Variants in ENAH observed in about 807,000 individuals in gnomAD.
The protein encoded by ENAH is ENAH actin regulator.
Under a neutral mutation model 78.7 loss-of-function variants are expected in ENAH, and 23 were observed. The ratio of observed to expected loss-of-function variants is 0.29; its 90% CI spans 0.21 to 0.41. The LOEUF is 0.41. Among genes scored for constraint, ENAH ranks in the 10% least tolerant of loss-of-function variants. ENAH has a pLI of 1.00. For missense variants in ENAH, 544 were observed against 691.0 expected, an observed-to-expected ratio of 0.79 and a Z score of 2.39; for synonymous variants, 226 against 241.0, an observed-to-expected ratio of 0.94 and a Z score of 0.58.
At position 225,514,823 on chromosome 1, in the gene ENAH, G is replaced by T; in HGVS notation, c.991C>A (p.Pro331Thr). The change falls in exon 7 of 14, where the codon CCT becomes ACT. Residue 331 changes from proline to threonine, a missense_variant. By Grantham distance (38) the Pro-to-Thr change is conservative (BLOSUM62 -1). This residue lies in a region of ENAH where 366 missense variants were observed against 396.1 expected (regional missense o/e 0.92). Transcript: ENST00000366843. ...GGTGGAGGGGGCCCTGGGGGAGGAG[G>T]GAGGGCTACTGAAGCCTGTGCAGGC... ...PGPAQASVAL[P>T]PPPGPPPPPP... The T allele has an allele frequency of 1.9e-6, 3 of 1,576,576 alleles. No individual in the cohort carries two copies. The highest frequency in any genetic ancestry group is 2.6e-6 in the Non-Finnish European group (3 of 1,166,386).
chr1:225,595,158 C>T (rs183488442), intron 1 of ENAH, among the ~76,000 whole-genome samples: 1 of 152,176 alleles, frequency 6.6e-6, no homozygotes, highest in Non-Finnish European at 1.5e-5. Flanking sequence ...CATGGTGAAA[C>T]CCCGGCTCTA....
chr1:225,604,079 ATG>A (rs973498411), intron 1 of ENAH, among the ~76,000 whole-genome samples: 3 of 152,248 alleles, frequency 2.0e-5, no homozygotes, highest in Non-Finnish European at 4.4e-5. Flanking sequence ...AAAAACTTGC[ATG>A]TATGCCAAAG....
intron 2 of ENAH, among the ~76,000 whole-genome samples, chr1:225,555,940 G>A (rs945285343): frequency 6.6e-6 from 1 of 152,122 alleles, no homozygotes; most frequent in African/African-American, 2.4e-5. Context: ...ATCGAGTTTT[G>A]TAGGTTTTTG....
At chr1:225,558,558 C>T (rs1440888389) in intron 2 of ENAH, among the ~76,000 whole-genome samples, 3 of 151,322 alleles carry the variant, frequency 2.0e-5, no homozygotes, top group Non-Finnish European at 4.4e-5. Context: ...AAGAGCTGTC[C>T]CTCACAAGGA....
chr1:225,554,569 T>C (rs922199454), intron 3 of ENAH, among the ~76,000 whole-genome samples: 1 of 152,218 alleles, frequency 6.6e-6, no homozygotes, highest in African/African-American at 2.4e-5. Context: ...TCCTATCCAC[T>C]GCATATTCTC....
At chr1:225,522,204 C>T (rs2096474991) in intron 4 of ENAH, among the ~76,000 whole-genome samples, 1 of 152,162 alleles carries the variant, frequency 6.6e-6, no homozygotes. Context: ...GCATGCTATC[C>T]CTTTGTTCCT....
intron 3 of ENAH, chr1:225,535,528 T>C (rs1273232869): frequency 1.5e-6 from 2 of 1,303,694 alleles, no homozygotes; most frequent in Non-Finnish European, 2.0e-6. Flanking sequence ...CATCGCAAAT[T>C]AGTGCTGTCC....
Position 225,519,181 on chromosome 1 carries a change from G to A in ENAH, c.802+17C>T. The A allele has an allele frequency of 6.2e-7, 1 of 1,611,132 alleles. No individual in the cohort carries two copies. The highest frequency in any genetic ancestry group is 8.5e-7 in the Non-Finnish European group (1 of 1,177,772). ...AGCTCAGATACAAGAACACAGAAGA[G>A]TTTGTAAACTTCTTACCAGCACTTG... On this transcript the variant is annotated intron_variant, in intron 5 of 13. Transcript: ENST00000366843.
chr1:225,568,936 G>A (rs1046114463), intron 1 of ENAH, among the ~76,000 whole-genome samples: 1 of 152,110 alleles, frequency 6.6e-6, no homozygotes, highest in African/African-American at 2.4e-5. Flanking sequence ...CAAACCCAAT[G>A]GTAATGTCTA....
rs370026091 is a variant in ENAH, at chr1:225,629,741, T to A, written c.5+22945A>T. Among the ~76,000 whole-genome samples, 17 of 152,332 alleles carry A rather than the reference T, an allele frequency of 1.1e-4. 1 individual carries two copies. The highest frequency in any genetic ancestry group is 4.1e-4 in the African/African-American group (17 of 41,578). ...TATTCATCAATTGGAAGTTAATGAC[T>A]CCTTGCAATGTTTTTCTCCCTTTTT... On this transcript the variant is annotated intron_variant, in intron 1 of 13. Coordinates refer to ENST00000366843, the MANE Select transcript of ENAH (RefSeq NM_018212.6).
chr1:225,556,064 T>A (rs188297485), intron 2 of ENAH, among the ~76,000 whole-genome samples: 218 of 152,362 alleles, frequency 1.4e-3, no homozygotes, highest in African/African-American at 4.8e-3. Flanking sequence ...TCATTTTCAC[T>A]GCTCTATGGT....
chr1:225,647,517 C>T (rs1424743876), intron 1 of ENAH, among the ~76,000 whole-genome samples: 1 of 152,090 alleles, frequency 6.6e-6, no homozygotes, highest in African/African-American at 2.4e-5. Context: ...AGTTCAAAAC[C>T]TGCCTGGTCC....
chr1:225,618,924 T>C (rs1274795363), intron 1 of ENAH, among the ~76,000 whole-genome samples: 2 of 152,168 alleles, frequency 1.3e-5, no homozygotes, highest in Non-Finnish European at 2.9e-5. Context: ...GAAGGCCTAC[T>C]TTCTGGCCCA....
At chr1:225,544,074 A>G (rs907424343) in intron 3 of ENAH, among the ~76,000 whole-genome samples, 5 of 152,232 alleles carry the variant, frequency 3.3e-5, no homozygotes, top group Non-Finnish European at 5.9e-5. Context: ...GAATGGTCTC[A>G]TCAGAGTGGA....
intron 3 of ENAH, among the ~76,000 whole-genome samples, chr1:225,539,989 T>A (rs1181981115): frequency 6.6e-6 from 1 of 152,166 alleles, no homozygotes; most frequent in Non-Finnish European, 1.5e-5. Flanking sequence ...ATTAGCCACT[T>A]CAAGAGATTT....
intron 1 of ENAH, among the ~76,000 whole-genome samples, chr1:225,607,515 CAA>C (rs534943449): frequency 0.11 from 9,794 of 92,498 alleles, 1,029 homozygotes; most frequent in African/African-American, 0.31. Flanking sequence ...GGGTGGGGGG[CAA>C]AAAAAAAAAA....
At chr1:225,589,795 A>C (rs2147866147) in intron 1 of ENAH, among the ~76,000 whole-genome samples, 1 of 152,294 alleles carries the variant, frequency 6.6e-6, no homozygotes, top group Non-Finnish European at 1.5e-5. Flanking sequence ...GTGGGTATAC[A>C]TATGTTAACA....
At chr1:225,620,621 T>G (rs1232222386) in intron 1 of ENAH, among the ~76,000 whole-genome samples, 1 of 152,220 alleles carries the variant, frequency 6.6e-6, no homozygotes, top group African/African-American at 2.4e-5. Context: ...TTACCAAATC[T>G]GGAGCCTCAA....
At chr1:225,514,455 T>C (rs919131353) in intron 7 of ENAH, 141 bp downstream of exon 7, 28 of 792,020 alleles carry the variant, frequency 3.5e-5, no homozygotes, top group Non-Finnish European at 4.8e-5. Flanking sequence ...GTATGAGCCA[T>C]TGCGCCAGGG....
Sources: gnomAD v4.1 joint callset for allele counts (sites outside exome capture counted in the v4.1 genomes callset) on GRCh38, gnomAD v4.1.1 for gene constraint, gnomAD v4.1.1 regional missense constraint, MANE v1.5 for transcripts, NCBI Gene and HGNC (gene_info 2026-07-23, HGNC 2026-07-21) for gene names.